The following SPAST variants were observed in gnomAD, a reference collection of about 807,000 sequenced individuals.
SPAST encodes spastic paraplegia 4 (autosomal dominant; spastin).
In SPAST, 30 loss-of-function variants were observed where a neutral mutation model predicts 76.6. The ratio of observed to expected loss-of-function variants is 0.39; its 90% CI spans 0.29 to 0.53. The LOEUF (loss-of-function observed/expected upper bound fraction) is 0.53, where lower values mean the gene tolerates loss of function less well. Among genes scored for constraint, SPAST ranks in the 20% least tolerant of loss-of-function variants. SPAST has a pLI of 0.68. For synonymous variants in SPAST, 305 were observed against 281.0 expected (o/e 1.09, Z -0.86); for missense variants, 717 against 770.5 (o/e 0.93, Z 0.82).
At chr2:32,098,255 C>T (rs564803740) in intron 3 of SPAST, among the ~76,000 whole-genome samples, 4 of 152,150 alleles carry the variant, frequency 2.6e-5, no homozygotes, top group Admixed American at 2.6e-4. Context: ...CGCTTAAGGC[C>T]AGGAGCTTGA....
intron 1 of SPAST, among the ~76,000 whole-genome samples, chr2:32,072,764 A>G (rs1328779766): frequency 6.6e-6 from 1 of 152,210 alleles, no homozygotes; most frequent in East Asian, 1.9e-4. Flanking sequence ...GAGGGTAGAA[A>G]TCAGAAGTGT....
At chr2:32,147,391 C>T (rs546489908) in intron 16 of SPAST, 133 bp downstream of exon 16, 8 of 553,786 alleles carry the variant, frequency 1.4e-5, no homozygotes, top group African/African-American at 1.0e-4. Flanking sequence ...GGCATGATAT[C>T]GGCTCACTGC....
At chr2:32,090,536 A>G (rs1573074551) in intron 3 of SPAST, among the ~76,000 whole-genome samples, 1 of 152,184 alleles carries the variant, frequency 6.6e-6, no homozygotes, top group Non-Finnish European at 1.5e-5. Flanking sequence ...CATTATCCAA[A>G]AAAACTGACC....
At chr2:32,077,612 C>A (rs1454551441) in intron 1 of SPAST, among the ~76,000 whole-genome samples, 1 of 152,130 alleles carries the variant, frequency 6.6e-6, no homozygotes, top group African/African-American at 2.4e-5. Flanking sequence ...AATGGTGGAA[C>A]AAGGACTTAA....
At chr2:32,140,648 C>T (rs928659115) in intron 12 of SPAST, among the ~76,000 whole-genome samples, 2 of 151,242 alleles carry the variant, frequency 1.3e-5, no homozygotes, top group Non-Finnish European at 3.0e-5. Context: ...TTTGGTCAGG[C>T]GTCATGGTGG....
At chr2:32,086,323 G>A (rs1466511698) in intron 1 of SPAST, among the ~76,000 whole-genome samples, 3 of 151,878 alleles carry the variant, frequency 2.0e-5, no homozygotes, top group Non-Finnish European at 2.9e-5. Context: ...TTAGCTAAGT[G>A]TGGTGGCACA....
At chr2:32,145,894 A>G (rs1006733803) in intron 15 of SPAST, among the ~76,000 whole-genome samples, 2 of 152,202 alleles carry the variant, frequency 1.3e-5, no homozygotes, top group African/African-American at 4.8e-5. Context: ...CCTTTCTCTC[A>G]TTCAAGAAAG....
intron 12 of SPAST, among the ~76,000 whole-genome samples, chr2:32,137,489 A>G (rs1282303217): frequency 1.3e-5 from 2 of 152,180 alleles, no homozygotes; most frequent in South Asian, 4.1e-4. Flanking sequence ...ATTGGGCTTC[A>G]TGAGAAAATA....
At position 32,064,200 on chromosome 2, in the gene SPAST, C is replaced by T. The variant is rs959239665; in HGVS notation, c.369C>T (p.Ala123=). 1 of 1,550,824 alleles carries T rather than the reference C, an allele frequency of 6.4e-7. No homozygotes were observed. Among genetic ancestry groups the T allele is most frequent in the Non-Finnish European group, 8.7e-7 (1 of 1,148,396 alleles). Residue 123 remains alanine, a synonymous_variant, in exon 1 of 17, where the codon GCC becomes GCT. Transcript: ENST00000315285. ...AERVRVFHKQ[A]FEYISIALRI... is the part of the protein sequence containing the mutation. ...GCGTCCGAGTCTTCCACAAACAGGC[C>T]TTCGAGTACATCTCCATTGCCCTGC...
At chr2:32,077,250 A>T (rs971753680) in intron 1 of SPAST, among the ~76,000 whole-genome samples, 9 of 152,182 alleles carry the variant, frequency 5.9e-5, no homozygotes, top group African/African-American at 2.4e-5. Context: ...TTGTAGGAAA[A>T]TGGATATATT....
At chr2:32,131,938 C>T (rs1408550869) in intron 9 of SPAST, among the ~76,000 whole-genome samples, 2 of 151,940 alleles carry the variant, frequency 1.3e-5, no homozygotes, top group African/African-American at 4.8e-5. Flanking sequence ...GGATTATAGG[C>T]GTAAGCCACC....
intron 12 of SPAST, among the ~76,000 whole-genome samples, chr2:32,140,902 G>C (rs1679695489): frequency 7.5e-6 from 1 of 133,042 alleles, no homozygotes; most frequent in Admixed American, 7.4e-5. Flanking sequence ...TGTTTATTGT[G>C]TTTTGTTTGC....
chr2:32,146,748 C>T (rs879444138), intron 15 of SPAST, among the ~76,000 whole-genome samples: 4 of 150,424 alleles, frequency 2.7e-5, no homozygotes, highest in Non-Finnish European at 5.9e-5. Flanking sequence ...ACCTGTAATC[C>T]CAGCTACTCA....
At chr2:32,142,092 C>A in intron 13 of SPAST, 146 bp downstream of exon 13, 1 of 657,140 alleles carries the variant, frequency 1.5e-6, no homozygotes, top group Non-Finnish European at 2.6e-6. Context: ...AGCTTACTGT[C>A]AGAGCCAGCA....
At chr2:32,104,172 C>G (rs1334447516) in intron 4 of SPAST, among the ~76,000 whole-genome samples, 1 of 152,178 alleles carries the variant, frequency 6.6e-6, no homozygotes, top group African/African-American at 2.4e-5. Flanking sequence ...ATAGTTAGCT[C>G]TTCTTGTTGA....
At chr2:32,074,726 C>G (rs556093319) in intron 1 of SPAST, among the ~76,000 whole-genome samples, 8 of 152,092 alleles carry the variant, frequency 5.3e-5, no homozygotes, top group South Asian at 2.1e-4. Flanking sequence ...AGGCTGGTCT[C>G]GAACTCCGGA....
chr2:32,073,109 A>G (rs1478035505), intron 1 of SPAST, among the ~76,000 whole-genome samples: 1 of 152,204 alleles, frequency 6.6e-6, no homozygotes, highest in South Asian at 2.1e-4. Flanking sequence ...CTCATGTTGA[A>G]TACAGTTAAA....
chr2:32,080,464 C>G (rs1677174347), intron 1 of SPAST, among the ~76,000 whole-genome samples: 1 of 73,514 alleles, frequency 1.4e-5, no homozygotes, highest in South Asian at 5.5e-4. Context: ...ATAATTTAAA[C>G]TACAAGTGGT....
intron 3 of SPAST, among the ~76,000 whole-genome samples, chr2:32,095,691 A>C (rs1677889884): frequency 6.6e-6 from 1 of 152,036 alleles, no homozygotes; most frequent in Non-Finnish European, 1.5e-5. Context: ...GTGAGCCATG[A>C]GTACACCACT....
Sources: allele counts gnomAD v4.1 joint callset (sites outside exome capture counted in the v4.1 genomes callset), GRCh38; gene constraint gnomAD v4.1.1; transcripts MANE v1.5; gene names NCBI Gene and HGNC (gene_info 2026-07-23, HGNC 2026-07-21).